Variants in SCD5 observed in about 807,000 individuals in gnomAD.
SCD5 encodes the protein stearoyl-CoA desaturase 5, also known as acyl-CoA-desaturase 4.
In SCD5, 20 loss-of-function variants were observed where a neutral mutation model predicts 30.4. The observed-to-expected ratio is 0.66, with a 90% CI of 0.46 to 0.96. SCD5 has a LOEUF of 0.96. SCD5 is among the 40% of genes least tolerant of loss of function. The pLI is 0.00. For missense variants in SCD5, 381 were observed against 443.3 expected (o/e 0.86, Z 1.26); for synonymous variants, 173 against 176.4 (o/e 0.98, Z 0.16).
At chr4:82,729,040 T>TA (rs1362942549) in intron 1 of SCD5, among the ~76,000 whole-genome samples, 2 of 152,170 alleles carry the variant, frequency 1.3e-5, no homozygotes, top group East Asian at 1.9e-4. Flanking sequence ...GAGAAAGGTA[T>TA]AGAAGTGTTT....
chr4:82,787,255 A>G (rs1722007125), intron 1 of SCD5, among the ~76,000 whole-genome samples: 1 of 152,058 alleles, frequency 6.6e-6, no homozygotes, highest in African/African-American at 2.4e-5. Context: ...TGGGGAAAGT[A>G]TGTCACCATG....
At chr4:82,662,718 G>A (rs939397434) in intron 3 of SCD5, among the ~76,000 whole-genome samples, 4 of 151,832 alleles carry the variant, frequency 2.6e-5, no homozygotes, top group African/African-American at 9.7e-5. Context: ...AAATTAGCTG[G>A]GCATGGTGAT....
chr4:82,761,892 G>C (rs947136648), intron 1 of SCD5, among the ~76,000 whole-genome samples: 3 of 151,954 alleles, frequency 2.0e-5, no homozygotes, highest in Admixed American at 6.6e-5. Flanking sequence ...ACACTCCATG[G>C]CCGGGCGTAG....
At chr4:82,714,052 T>C (rs550437412) in intron 1 of SCD5, among the ~76,000 whole-genome samples, 1 of 152,298 alleles carries the variant, frequency 6.6e-6, no homozygotes, top group Non-Finnish European at 1.5e-5. Context: ...TATCCACTCA[T>C]CCTACCCATA....
intron 1 of SCD5, among the ~76,000 whole-genome samples, chr4:82,716,741 G>A: frequency 6.6e-6 from 1 of 151,694 alleles, no homozygotes; most frequent in Admixed American, 6.6e-5. Context: ...TTGTACCTGA[G>A]AGGCAGAGGG....
intron 1 of SCD5, among the ~76,000 whole-genome samples, chr4:82,723,894 C>CA (rs1190890674): frequency 3.9e-5 from 6 of 152,062 alleles, no homozygotes; most frequent in Admixed American, 3.3e-4. Flanking sequence ...TAGCTCAAAA[C>CA]AAAAAACAAT....
At chr4:82,721,723 C>T (rs1159881916) in intron 1 of SCD5, among the ~76,000 whole-genome samples, 1 of 152,228 alleles carries the variant, frequency 6.6e-6, no homozygotes, top group Non-Finnish European at 1.5e-5. Flanking sequence ...AAGCTCCCCA[C>T]ACCTGCATCT....
chr4:82,630,510 AAC>A lies in SCD5; in HGVS notation c.*815_*816del, dbSNP rs1360196906. ...AGAAAAGAAAACAAATGCTCTCCTG[AAC>A]TACACTGAAAGAATATTACTTTCCT... On this transcript the variant is annotated 3_prime_UTR_variant, in exon 5 of 5. Transcript: ENST00000319540. The A allele has an allele frequency of 6.6e-6, 1 of 152,234 alleles. No homozygotes were observed. The highest frequency in any genetic ancestry group is 1.5e-5 in the Non-Finnish European group (1 of 68,038). 9.4% of individuals were successfully genotyped at this position (152,234 alleles called of 1,614,324 possible).
intron 1 of SCD5, among the ~76,000 whole-genome samples, chr4:82,784,754 G>T (rs551122865): frequency 1.3e-5 from 2 of 152,230 alleles, no homozygotes; most frequent in Non-Finnish European, 2.9e-5. Context: ...AGATTATACG[G>T]ATTATGTAAG....
At chr4:82,796,201 C>T (rs1421947658) in intron 1 of SCD5, among the ~76,000 whole-genome samples, 4 of 150,252 alleles carry the variant, frequency 2.7e-5, no homozygotes, top group Admixed American at 6.6e-5. Context: ...ACCCAGGAGG[C>T]GGAGCTTGCG....
chr4:82,763,840 C>A (rs1401165776), intron 1 of SCD5, among the ~76,000 whole-genome samples: 2 of 152,214 alleles, frequency 1.3e-5, no homozygotes, highest in African/African-American at 4.8e-5. Flanking sequence ...AATACAATTC[C>A]CTTTTTTCCT....
rs115993964 is a variant in SCD5, at chr4:82,647,602, G to A, written c.570-10779C>T. Among the ~76,000 whole-genome samples the A allele has an allele frequency of 8.8e-3, 1,340 of 152,258 alleles. 5 individuals are homozygous for A. The highest frequency in any genetic ancestry group is 0.014 in the Non-Finnish European group (975 of 68,016). ...CTAAAGGTTACGTGGGTCCCTTCCT[G>A]TATTCAAGCTGCATTGTCCTCCTCA... On this transcript the variant is annotated intron_variant, in intron 3 of 4. Coordinates refer to ENST00000319540, the MANE Select transcript of SCD5 (RefSeq NM_001037582.3).
intron 1 of SCD5, among the ~76,000 whole-genome samples, chr4:82,773,437 A>C (rs887047320): frequency 1.2e-4 from 18 of 152,258 alleles, no homozygotes; most frequent in Admixed American, 1.2e-3. Flanking sequence ...TCGCTACTCC[A>C]AATCAGCAGG....
At chr4:82,714,197 CCACTTCCCCA>C (rs1720172412) in intron 1 of SCD5, among the ~76,000 whole-genome samples, 1 of 152,212 alleles carries the variant, frequency 6.6e-6, no homozygotes, top group African/African-American at 2.4e-5. Context: ...TCTCTTGACC[CCACTTCCCCA>C]CCTGGATCCT....
intron 1 of SCD5, among the ~76,000 whole-genome samples, chr4:82,773,547 C>T (rs1356048557): frequency 1.3e-5 from 2 of 152,178 alleles, no homozygotes; most frequent in African/African-American, 4.8e-5. Context: ...TCGTGTTCTT[C>T]CAAGGCTTAG....
chr4:82,798,773 G>A lies in SCD5; in HGVS notation c.-236C>T, dbSNP rs1295033198. ...TTGCTGGCGTATCCCCCATATGGCT[G>A]CCCGGGCTGAACTCGGCCGCGAGAA... On this transcript the variant is annotated 5_prime_UTR_variant, in exon 1 of 5. Transcript: ENST00000319540. 6 of 482,604 alleles carry A rather than the reference G, an allele frequency of 1.2e-5. No individual in the cohort carries two copies. Among genetic ancestry groups the A allele is most frequent in the Non-Finnish European group, 1.8e-5 (5 of 276,770 alleles). 29.9% of individuals were successfully genotyped at this position (482,604 alleles called of 1,614,324 possible). A position where few individuals can be genotyped will look rare whatever the true frequency, so the allele number is the denominator to read the frequency against.
intron 3 of SCD5, among the ~76,000 whole-genome samples, chr4:82,652,512 T>C (rs1727778406): frequency 6.6e-6 from 1 of 152,158 alleles, no homozygotes; most frequent in African/African-American, 2.4e-5. Flanking sequence ...ATTCCAATTC[T>C]ACCACTTACA....
chr4:82,725,886 A>C (rs1720459254), intron 1 of SCD5, among the ~76,000 whole-genome samples: 1 of 151,688 alleles, frequency 6.6e-6, no homozygotes, highest in Admixed American at 6.6e-5. Context: ...AGAAAAAAGA[A>C]AAGAAAGCTC....
intron 1 of SCD5, among the ~76,000 whole-genome samples, chr4:82,772,695 C>G (rs1032098535): frequency 1.3e-5 from 2 of 152,182 alleles, no homozygotes; most frequent in African/African-American, 4.8e-5. Context: ...GTGACAAGAG[C>G]AGAAGCACCT....
Sources: gnomAD v4.1 joint callset for allele counts (sites outside exome capture counted in the v4.1 genomes callset) on GRCh38, gnomAD v4.1.1 for gene constraint, MANE v1.5 for transcripts, NCBI Gene and HGNC (gene_info 2026-07-23, HGNC 2026-07-21) for gene names.